Variants in POLR1A observed in about 807,000 individuals in gnomAD.
The protein encoded by POLR1A is DNA-directed RNA polymerase I subunit RPA1.
In POLR1A, 84 loss-of-function variants were observed where a neutral mutation model predicts 205.3. That is an observed-to-expected ratio of 0.41 (90% CI 0.34 to 0.49). The LOEUF is 0.49. Among genes scored for constraint, POLR1A ranks in the 20% least tolerant of loss-of-function variants. POLR1A has a pLI of 0.22. For synonymous variants in POLR1A, 799 were observed against 863.7 expected (o/e 0.93, Z 1.31); for missense variants, 1,645 against 2,204.5 (o/e 0.75, Z 5.08).
chr2:86,077,216 G>A (rs1210973957), intron 11 of POLR1A, among the ~76,000 whole-genome samples: 1 of 152,164 alleles, frequency 6.6e-6, no homozygotes, highest in Non-Finnish European at 1.5e-5. Flanking sequence ...GGAGGAAGCC[G>A]ATTAAAGGCT....
chr2:86,070,259 A>C lies in POLR1A; in HGVS notation c.1625T>G (p.Val542Gly). Reference sequence around the variant, plus strand: ...CAGTAGCAGAATGTCCCCATTCTTCACATGCCGGCACACCTGGGAACAGAG... The same window carrying C: ...CAGTAGCAGAATGTCCCCATTCTTCCCATGCCGGCACACCTGGGAACAGAG... Reference protein sequence around the residue: ...PQGTKIVCRHVKNGDILLLNR... With the variant: ...PQGTKIVCRHGKNGDILLLNR... Residue 542 changes from valine (V) to glycine (G), a missense_variant, in exon 13 of 34, where the codon GTG (valine) becomes GGG (glycine). Transcript: ENST00000263857. This position sits in a 1 kb window ranked among gnomAD's most constrained non-coding sequence, Gnocchi z 4.4. 3.7e-6 allele frequency: 6 copies of C among 1,609,334 alleles called. No individual in the cohort carries two copies. The highest frequency in any genetic ancestry group is 5.1e-6 in the Non-Finnish European group (6 of 1,176,626).
At position 86,033,703 on chromosome 2, in the gene POLR1A, T is replaced by C. The variant is rs2104382536; in HGVS notation, c.4119A>G (p.Thr1373=). Reference sequence around the variant, plus strand: ...CCCCAGCGTTGTCCAGATCCCGCTGTGTAGCTCTTCGAGTGTTTACGTTCC... The same window carrying C: ...CCCCAGCGTTGTCCAGATCCCGCTGCGTAGCTCTTCGAGTGTTTACGTTCC... The part of the protein sequence containing the change: ...AFRNVNTRRA[T]QRDLDNAGEL... The change falls in exon 28 of 34, where the codon ACA becomes ACG. Residue 1373 remains threonine (T), a synonymous_variant. Transcript: ENST00000263857. The C allele has an allele frequency of 6.2e-7, 1 of 1,614,062 alleles. No homozygotes were observed. The highest frequency in any genetic ancestry group is 8.5e-7 in the Non-Finnish European group (1 of 1,180,028).
chr2:86,101,254 G>A (rs1482365858), intron 1 of POLR1A, among the ~76,000 whole-genome samples: 7 of 152,138 alleles, frequency 4.6e-5, no homozygotes, highest in Admixed American at 2.0e-4. Context: ...GAGGAAATCC[G>A]AAGGCTGAAA....
Position 86,065,483 on chromosome 2 carries a change from C to A in POLR1A, c.1867-18G>T. ...TGGCCATCCTATAAGCCAAAACAGA[C>A]AACACAAGAAGAATGAAAATAAATC... On this transcript the variant is annotated intron_variant, in intron 13 of 33. Coordinates refer to ENST00000263857, the MANE Select transcript of POLR1A (RefSeq NM_015425.6). The A allele has an allele frequency of 2.5e-6, 4 of 1,602,942 alleles. No homozygotes were observed. The highest frequency in any genetic ancestry group is 3.4e-6 in the Non-Finnish European group (4 of 1,173,994).
intron 28 of POLR1A, among the ~76,000 whole-genome samples, chr2:86,033,249 G>A (rs1298660680): frequency 6.6e-6 from 1 of 152,176 alleles, no homozygotes; most frequent in Non-Finnish European, 1.5e-5. Flanking sequence ...TACCTCTCTG[G>A]TCCCTGCCAG....
rs780685180 is a variant in POLR1A, at chr2:86,033,933, C to A, written c.4035-146G>T. ...AGCCTCTCCTAGCCACTCACTTGTCCCTACCCGCTGTTTTGGAACCGTCTC... is the reference window on the plus strand; with the variant it reads ...AGCCTCTCCTAGCCACTCACTTGTCACTACCCGCTGTTTTGGAACCGTCTC... On this transcript the variant is annotated intron_variant, in intron 27 of 33. Coordinates refer to ENST00000263857, the MANE Select transcript of POLR1A (RefSeq NM_015425.6). The A allele has an allele frequency of 2.5e-5, 24 of 977,962 alleles. No homozygotes were observed. The Admixed American group carries it at 4.0e-4, about 16-fold the overall frequency. 60.6% of individuals were successfully genotyped at this position (977,962 alleles called of 1,614,324 possible).
In POLR1A at chr2:86,041,743, C is replaced by T. The variant is rs779516087; in HGVS notation, c.3572+146G>A. On this transcript the variant is annotated intron_variant, in intron 24 of 33. Coordinates refer to ENST00000263857, the MANE Select transcript of POLR1A (RefSeq NM_015425.6). ...GGGCCCTTGGGGCTTGTGCGTTGCC[C>T]CTGGCTGTCTTACTGCCCTCCCTCT... 4.4e-6 allele frequency: 3 copies of T among 685,824 alleles called. No homozygotes were observed. The East Asian group carries it at 8.0e-5, about 18-fold the overall frequency. The allele number at this position is 685,824 out of a possible 1,614,324, so 42.5% of individuals were successfully genotyped here.
In POLR1A at chr2:86,098,772, G is replaced by C. The variant is rs1225165751; in HGVS notation, c.283-12C>G. On this transcript the variant is annotated splice_polypyrimidine_tract_variant and intron_variant, in intron 2 of 33. Coordinates refer to ENST00000263857, the MANE Select transcript of POLR1A (RefSeq NM_015425.6). ...AGCAGGTACAGCTTCTGAAGAGAGG[G>C]AATAAAAACAAACAGGATATTAGAA... 1 of 1,613,330 alleles carries C rather than the reference G, an allele frequency of 6.2e-7. No homozygotes were observed. Among genetic ancestry groups the C allele is most frequent in the Non-Finnish European group, 8.5e-7 (1 of 1,179,516 alleles).
At position 86,027,887 on chromosome 2, in the gene POLR1A, A is replaced by C; in HGVS notation, c.5060T>G (p.Leu1687Arg). 1.2e-6 allele frequency: 2 copies of C among 1,614,244 alleles called. No homozygotes were observed. The highest frequency in any genetic ancestry group is 1.7e-6 in the Non-Finnish European group (2 of 1,180,038). Residue 1687 changes from leucine to arginine, a missense_variant and splice_region_variant, in exon 33 of 34, where the codon CTG becomes CGG. Physicochemically the swap from Leu to Arg is moderately radical, Grantham distance 102. Around this residue, in one of 16 missense-constraint regions of POLR1A, gnomAD observed 86 missense variants for 149.8 expected, o/e 0.57. Transcript: ENST00000263857. ...AGGGCTCCTGCCCACGCACTAACCC[A>C]GCATGGTGGCTTGCTTCAGAAACTG... ...SFQFLKQATM[L>R]GSHDELRSPS...
rs1690144461 is a variant in POLR1A at position 86,021,837 on chromosome 2, T to C, written c.*5586A>G. 1 of 152,064 alleles carries C rather than the reference T, an allele frequency of 6.6e-6. No homozygotes were observed. The highest frequency in any genetic ancestry group is 2.4e-5 in the African/African-American group (1 of 41,352). 9.4% of individuals were successfully genotyped at this position (152,064 alleles called of 1,614,324 possible). On this transcript the variant is annotated 3_prime_UTR_variant, in exon 34 of 34. Transcript: ENST00000263857. ...AACCTCCCAGGCCATTGAGTCCAAC[T>C]TGCGCGAAGATAGTCACTGGGGAGC...
chr2:86,053,973 T>C (rs1374731025), intron 15 of POLR1A, among the ~76,000 whole-genome samples, 167 bp downstream of exon 15: 1 of 152,220 alleles, frequency 6.6e-6, no homozygotes, highest in Admixed American at 6.5e-5. Context: ...AGATCAACCC[T>C]GAACCCTTCC....
In POLR1A at chr2:86,081,670, T is replaced by C. The variant is rs1163615578; in HGVS notation, c.854A>G (p.Asp285Gly). 5.6e-6 allele frequency: 9 copies of C among 1,612,240 alleles called. No individual in the cohort carries two copies. The highest frequency in any genetic ancestry group is 6.8e-6 in the Non-Finnish European group (8 of 1,179,370). Residue 285 changes from aspartate (D) to glycine (G), a missense_variant, in exon 8 of 34, where the codon GAT (aspartate) becomes GGT (glycine). Asp to Gly is a moderately conservative substitution (Grantham distance 94, BLOSUM62 -1). Transcript: ENST00000263857. ...FLNYLFSGMD[D>G]DGMESRFNPS... Reference sequence around the variant, plus strand: ...ATTGAATCTGGATTCCATACCATCATCATCCATTCCCGAAAAAAGGTAGTT... The same window carrying C: ...ATTGAATCTGGATTCCATACCATCACCATCCATTCCCGAAAAAAGGTAGTT...
At chr2:86,042,859 G>T in intron 23 of POLR1A, 115 bp downstream of exon 23, 1 of 774,412 alleles carries the variant, frequency 1.3e-6, no homozygotes. Context: ...GACTGACGGT[G>T]AACAAAGCTG....
Position 86,069,057 on chromosome 2 carries a change from T to G in POLR1A, c.1866+961A>C, listed in dbSNP as rs555440373. ...TCCTTGGACAAGTTACACGAATCCT[T>G]CAAGTGTAAAATGTGGACATGAATA... On this transcript the variant is annotated intron_variant, in intron 13 of 33. Coordinates refer to ENST00000263857, the MANE Select transcript of POLR1A (RefSeq NM_015425.6). Among the ~76,000 whole-genome samples, 7 of 152,324 alleles carry G rather than the reference T, an allele frequency of 4.6e-5. No homozygotes were observed. In the East Asian group the frequency reaches 9.6e-4, roughly 21 times the overall value.
intron 14 of POLR1A, among the ~76,000 whole-genome samples, chr2:86,059,183 C>A (rs1672953333): frequency 6.6e-6 from 1 of 152,114 alleles, no homozygotes; most frequent in African/African-American, 2.4e-5. Context: ...ACAGAATGAG[C>A]CCCCAGTACA....
At chr2:86,045,466 C>T in intron 20 of POLR1A, 106 bp from the exon 21 acceptor site, 1 of 1,238,536 alleles carries the variant, frequency 8.1e-7, no homozygotes, top group Non-Finnish European at 1.2e-6. Flanking sequence ...AGACAGGCCA[C>T]TCCCTTCCCT....
At chr2:86,080,737 C>A (rs2104421745) in intron 9 of POLR1A, 79 bp downstream of exon 9, 2 of 1,378,446 alleles carry the variant, frequency 1.5e-6, no homozygotes, top group East Asian at 4.8e-5. Flanking sequence ...ATCTCCCAGA[C>A]CCAGTGTCTA....
chr2:86,086,378 T>A lies in POLR1A; in HGVS notation c.730+2188A>T, dbSNP rs929762248. 4.1e-4 allele frequency among the ~76,000 whole-genome samples: 62 copies of A among 152,012 alleles called. 2 individuals carry two copies. The highest frequency in any genetic ancestry group is 3.9e-3 in the Admixed American group (60 of 15,252). ...TCGGATTACAGGCGTGAGCCACCAC[T>A]CCCAGCCTAGCCCTCACTTTTTGAT... On this transcript the variant is annotated intron_variant, in intron 6 of 33. Coordinates refer to ENST00000263857, the MANE Select transcript of POLR1A (RefSeq NM_015425.6).
At chr2:86,034,012 GCACTGC>G (rs940111178) in intron 27 of POLR1A, among the ~76,000 whole-genome samples, 2 of 152,202 alleles carry the variant, frequency 1.3e-5, no homozygotes, top group Non-Finnish European at 2.9e-5. Context: ...CTCAATAGGT[GCACTGC>G]CACTCCCGGG....
Sources: gnomAD v4.1 joint callset for allele counts (sites outside exome capture counted in the v4.1 genomes callset) on GRCh38, gnomAD v4.1.1 for gene constraint, gnomAD v4.1.1 regional missense constraint, Gnocchi (gnomAD v3.1) non-coding constraint, MANE v1.5 for transcripts, NCBI Gene and HGNC (gene_info 2026-07-23, HGNC 2026-07-21) for gene names.